Variants in CNOT6L observed in about 807,000 individuals in gnomAD.
CNOT6L encodes the protein CCR4-NOT transcription complex subunit 6 like.
CNOT6L carries 7 observed loss-of-function variants against 64.0 expected under a neutral mutation model. The observed-to-expected ratio is 0.11, with a 90% CI of 0.06 to 0.21. The LOEUF is 0.21. Ranked by LOEUF, CNOT6L falls within the 10% of genes least tolerant of loss-of-function variation. The probability of loss-of-function intolerance (pLI) is 1.00; values close to 1 mark genes in which losing one functional copy is unlikely to be tolerated. For synonymous variants in CNOT6L, 193 were observed against 243.4 expected (o/e 0.79, Z 1.93); for missense variants, 245 against 669.0 (o/e 0.37, Z 6.99).
intron 4 of CNOT6L, among the ~76,000 whole-genome samples, chr4:77,772,521 G>C (rs186381716): frequency 1.1e-3 from 169 of 151,354 alleles, no homozygotes; most frequent in African/African-American, 2.9e-3. Context: ...CAGTTTTATA[G>C]AAAAATTAAA....
At chr4:77,725,154 AT>A (rs988751984) in intron 11 of CNOT6L, among the ~76,000 whole-genome samples, 8 of 152,004 alleles carry the variant, frequency 5.3e-5, no homozygotes, top group African/African-American at 1.7e-4. Flanking sequence ...TTTCTAAGCA[AT>A]TTTTTTTCTC....
intron 11 of CNOT6L, among the ~76,000 whole-genome samples, chr4:77,721,641 T>A (rs1173021228): frequency 1.3e-5 from 2 of 152,192 alleles, no homozygotes; most frequent in African/African-American, 2.4e-5. Context: ...TTGATTTTCA[T>A]TTGACCAATA....
chr4:77,754,887 GTA>G (rs1491501990), intron 5 of CNOT6L, among the ~76,000 whole-genome samples: 2 of 12,302 alleles, frequency 1.6e-4, no homozygotes, highest in African/African-American at 5.3e-4. Context: ...AACATTAGAA[GTA>G]AAAAAAAAAA....
chr4:77,773,761 T>C (rs1334745738), intron 3 of CNOT6L, among the ~76,000 whole-genome samples: 2 of 152,090 alleles, frequency 1.3e-5, no homozygotes, highest in African/African-American at 4.8e-5. Flanking sequence ...AAAAATATAC[T>C]ATGATCAACA....
At chr4:77,726,085 T>G (rs748589918) in intron 11 of CNOT6L, 82 bp downstream of exon 11, 2 of 1,226,988 alleles carry the variant, frequency 1.6e-6, no homozygotes, top group Admixed American at 1.7e-5. Context: ...ATTATACAAT[T>G]AATCATAAAG....
At chr4:77,804,668 G>A (rs1215792496) in intron 1 of CNOT6L, among the ~76,000 whole-genome samples, 1 of 152,080 alleles carries the variant, frequency 6.6e-6, no homozygotes, top group Admixed American at 6.6e-5. Context: ...AAATGTTCTG[G>A]AATTTGCTTG....
At chr4:77,760,842 G>A (rs1244747297) in intron 4 of CNOT6L, among the ~76,000 whole-genome samples, 1 of 125,776 alleles carries the variant, frequency 8.0e-6, no homozygotes, top group Non-Finnish European at 1.6e-5. Context: ...GACTACAGGT[G>A]CACACCACCA....
chr4:77,797,261 C>G (rs1465704675), intron 1 of CNOT6L, among the ~76,000 whole-genome samples: 1 of 151,958 alleles, frequency 6.6e-6, no homozygotes, highest in East Asian at 1.9e-4. Flanking sequence ...ACAGTAGCCC[C>G]CCATCTCTGT....
rs1255957503 is a variant in CNOT6L at position 77,715,112 on chromosome 4, TGACA to T, written c.*5315_*5318del. ...GATTCTTACGCTTTAGAGTTAAAAG[TGACA>T]GACATACAACTGGAAAATTATCTAA... On this transcript the variant is annotated 3_prime_UTR_variant, in exon 12 of 12. Coordinates refer to ENST00000504123, the MANE Select transcript of CNOT6L (RefSeq NM_144571.3). The T allele has an allele frequency of 2.6e-5, 4 of 152,230 alleles. No homozygotes were observed. The East Asian group carries it at 7.7e-4, about 29-fold the overall frequency. 9.4% of individuals were successfully genotyped at this position (152,230 alleles called of 1,614,324 possible).
chr4:77,778,552 C>T (rs1728413482), intron 1 of CNOT6L, among the ~76,000 whole-genome samples: 3 of 151,958 alleles, frequency 2.0e-5, no homozygotes, highest in South Asian at 4.1e-4. Flanking sequence ...GTTACGGGCG[C>T]GTGTCACCAC....
rs1720766960 is a variant in CNOT6L, at chr4:77,716,551, C to T, written c.*3880G>A. ...GCAAATATAAACTTAAATTTTCACC[C>T]ATTTAACAATATAAACTTAGAATTT... On this transcript the variant is annotated 3_prime_UTR_variant, in exon 12 of 12. Coordinates refer to ENST00000504123, the MANE Select transcript of CNOT6L (RefSeq NM_144571.3). The T allele has an allele frequency of 6.6e-6, 1 of 152,060 alleles. No individual in the cohort carries two copies. Among genetic ancestry groups the T allele is most frequent in the Non-Finnish European group, 1.5e-5 (1 of 67,994 alleles). The allele number at this position is 152,060 out of a possible 1,614,324, so 9.4% of individuals were successfully genotyped here.
chr4:77,756,792 T>C, intron 5 of CNOT6L, 70 bp downstream of exon 5: 1 of 942,764 alleles, frequency 1.1e-6, no homozygotes, highest in Non-Finnish European at 1.6e-6. Flanking sequence ...CAGATGCTCT[T>C]GAGGAACATA....
At chr4:77,807,412 G>A (rs550395090) in intron 1 of CNOT6L, among the ~76,000 whole-genome samples, 2 of 151,634 alleles carry the variant, frequency 1.3e-5, no homozygotes, top group East Asian at 1.9e-4. Context: ...AACGCAAAAC[G>A]GAGACATAAA....
At chr4:77,772,830 A>G (rs7693256) in intron 4 of CNOT6L, among the ~76,000 whole-genome samples, 131,222 of 152,108 alleles carry the variant, frequency 0.86, 56,842 homozygotes, top group Non-Finnish European at 0.9. Flanking sequence ...GGCTGAGGCA[A>G]GAGAATGGCA....
Position 77,718,036 on chromosome 4 carries a change from A to ATT in CNOT6L, c.*2393_*2394dup, listed in dbSNP as rs11377990. On this transcript the variant is annotated 3_prime_UTR_variant, in exon 12 of 12. Coordinates refer to ENST00000504123, the MANE Select transcript of CNOT6L (RefSeq NM_144571.3). ...ACTTAAGCTGTTTACAATGTTTCCC[A>ATT]TTTTTTTTTATTTTTTCCCTCTACA... 343 of 151,314 alleles carry ATT rather than the reference A, an allele frequency of 2.3e-3. 3 individuals are homozygous for ATT. The East Asian group carries it at 0.03, about 13-fold the overall frequency. 9.4% of individuals were successfully genotyped at this position (151,314 alleles called of 1,614,324 possible). A position where few individuals can be genotyped will look rare whatever the true frequency, so the allele number is the denominator to read the frequency against.
At chr4:77,804,888 T>A (rs941748323) in intron 1 of CNOT6L, among the ~76,000 whole-genome samples, 39 of 152,214 alleles carry the variant, frequency 2.6e-4, no homozygotes, top group African/African-American at 8.9e-4. Context: ...CTATTTTAGT[T>A]ATGTTTTTGT....
intron 6 of CNOT6L, among the ~76,000 whole-genome samples, chr4:77,747,733 A>C (rs914735018): frequency 1.3e-5 from 2 of 152,226 alleles, no homozygotes; most frequent in African/African-American, 4.8e-5. Flanking sequence ...TTTCTACATT[A>C]CTTCAGTTCT....
chr4:77,743,848 C>T (rs116602864), intron 7 of CNOT6L, among the ~76,000 whole-genome samples: 9,701 of 152,024 alleles, frequency 0.064, 463 homozygotes, highest in African/African-American at 0.13. Context: ...GGGATCCACC[C>T]GCCTCGGCCT....
intron 1 of CNOT6L, among the ~76,000 whole-genome samples, chr4:77,779,650 T>C (rs1728623879): frequency 6.6e-6 from 1 of 152,156 alleles, no homozygotes; most frequent in Non-Finnish European, 1.5e-5. Flanking sequence ...CTTTTGGATT[T>C]GATTAGGATG....
Sources: gnomAD v4.1 joint callset for allele counts (sites outside exome capture counted in the v4.1 genomes callset) on GRCh38, gnomAD v4.1.1 for gene constraint, MANE v1.5 for transcripts, NCBI Gene and HGNC (gene_info 2026-07-23, HGNC 2026-07-21) for gene names.